Variants in NFKB1 observed in about 807,000 individuals in gnomAD.
NFKB1 encodes nuclear factor kappa B subunit 1.
In NFKB1, 9 loss-of-function variants were observed where a neutral mutation model predicts 105.1. That is an observed-to-expected ratio of 0.09 (90% confidence interval 0.05 to 0.15). NFKB1 has a LOEUF of 0.15. Among genes scored for constraint, NFKB1 ranks in the 10% least tolerant of loss-of-function variants. The pLI is 1.00. For synonymous variants in NFKB1, 440 were observed against 442.2 expected (o/e 1.00, Z 0.06); for missense variants, 830 against 1,203.7 (o/e 0.69, Z 4.59).
intron 5 of NFKB1, among the ~76,000 whole-genome samples, chr4:102,549,334 G>A (rs1360613313): frequency 2.0e-5 from 3 of 149,252 alleles, no homozygotes; most frequent in African/African-American, 7.4e-5. Context: ...TCATGGTGTT[G>A]TTTTATATAC....
intron 5 of NFKB1, among the ~76,000 whole-genome samples, chr4:102,555,188 A>T (rs1287749865): frequency 6.6e-6 from 1 of 152,164 alleles, no homozygotes; most frequent in African/African-American, 2.4e-5. Context: ...CTGCCAAAGG[A>T]CAGTAACCAT....
At chr4:102,583,091 T>A (rs1725442020) in intron 10 of NFKB1, 134 bp downstream of exon 10, 2 of 528,268 alleles carry the variant, frequency 3.8e-6, no homozygotes, top group African/African-American at 3.8e-5. Flanking sequence ...GGGATCCTCC[T>A]GTCTCAACCT....
At chr4:102,602,494 G>A (rs1174140621) in intron 16 of NFKB1, among the ~76,000 whole-genome samples, 7 of 151,362 alleles carry the variant, frequency 4.6e-5, no homozygotes, top group South Asian at 2.1e-4. Context: ...AGGCGAGATC[G>A]CGCCACTGCA....
chr4:102,605,745 T>G (rs1727661856), intron 16 of NFKB1, among the ~76,000 whole-genome samples: 1 of 152,214 alleles, frequency 6.6e-6, no homozygotes, highest in East Asian at 1.9e-4. Flanking sequence ...GTGAGATACT[T>G]GTATTATCCT....
chr4:102,534,230 G>C (rs541609489), intron 4 of NFKB1, among the ~76,000 whole-genome samples: 1 of 152,126 alleles, frequency 6.6e-6, no homozygotes, highest in South Asian at 2.1e-4. Flanking sequence ...AAGGAAATAC[G>C]TATGCATACA....
At chr4:102,561,281 T>G (rs201680496) in intron 5 of NFKB1, among the ~76,000 whole-genome samples, 76,912 of 123,072 alleles carry the variant, frequency 0.62, 23,415 homozygotes, top group African/African-American at 0.7. Flanking sequence ...TTTTTTTTTT[T>G]TGTGTGTGTG....
At chr4:102,518,853 G>A (rs997258296) in intron 1 of NFKB1, among the ~76,000 whole-genome samples, 2 of 152,148 alleles carry the variant, frequency 1.3e-5, no homozygotes, top group Non-Finnish European at 2.9e-5. Flanking sequence ...TCCAGTGGCT[G>A]GTGCAGGCTT....
rs769329062 is a variant in NFKB1, at chr4:102,580,687, C to T, written c.835+48C>T. ...GATCTCAAGAGGTGTGATCTTGACA[C>T]ACTACAGTTCTGAGTGTGTCTGTGA... On this transcript the variant is annotated intron_variant, in intron 9 of 23. Transcript: ENST00000226574. 6 of 1,430,712 alleles carry T rather than the reference C, an allele frequency of 4.2e-6. No individual in the cohort carries two copies. In the African/African-American group the frequency reaches 5.6e-5, roughly 13 times the overall value. The allele number at this position is 1,430,712 out of a possible 1,614,324, so 88.6% of individuals were successfully genotyped here. A position where few individuals can be genotyped will look rare whatever the true frequency, so the allele number is the denominator to read the frequency against.
At chr4:102,612,388 T>A (rs779571547) in intron 21 of NFKB1, 46 bp from the exon 22 acceptor site, 1 of 1,587,392 alleles carries the variant, frequency 6.3e-7, no homozygotes, top group African/African-American at 1.3e-5. Context: ...CTCCAGAGTG[T>A]CTATGGCATG....
intron 14 of NFKB1, 138 bp from the exon 15 acceptor site, chr4:102,597,381 GC>G (rs1726709898): frequency 1.2e-6 from 1 of 856,698 alleles, no homozygotes. Context: ...CAATCCAAAA[GC>G]ATTGAAAGAA....
At chr4:102,511,083 T>G in intron 1 of NFKB1, 1 of 481,644 alleles carries the variant, frequency 2.1e-6, no homozygotes, top group Non-Finnish European at 3.1e-6. Flanking sequence ...GATTTTTATT[T>G]TTTTATTATT....
chr4:102,506,834 A>G (rs1265445589), intron 1 of NFKB1, among the ~76,000 whole-genome samples: 2 of 151,864 alleles, frequency 1.3e-5, no homozygotes, highest in Non-Finnish European at 1.5e-5. Context: ...ATCACTCACA[A>G]CAAACATTCA....
chr4:102,524,418 A>G (rs1740766968), intron 1 of NFKB1, among the ~76,000 whole-genome samples: 1 of 152,136 alleles, frequency 6.6e-6, no homozygotes, highest in Non-Finnish European at 1.5e-5. Flanking sequence ...TACCAGCTTG[A>G]CAACAGCAGA....
intron 6 of NFKB1, among the ~76,000 whole-genome samples, chr4:102,569,152 T>G (rs1200277103): frequency 6.6e-6 from 1 of 152,142 alleles, no homozygotes; most frequent in Non-Finnish European, 1.5e-5. Flanking sequence ...TCTCTCTATA[T>G]ATACATTTTT....
chr4:102,597,694 T>G, intron 15 of NFKB1, 33 bp downstream of exon 15: 1 of 1,594,312 alleles, frequency 6.3e-7, no homozygotes, highest in Non-Finnish European at 8.6e-7. Flanking sequence ...TAGGTTGTCC[T>G]GGGTGGGGAA....
At chr4:102,507,220 T>C (rs1369248045) in intron 1 of NFKB1, among the ~76,000 whole-genome samples, 1 of 151,988 alleles carries the variant, frequency 6.6e-6, no homozygotes, top group African/African-American at 2.4e-5. Context: ...ATCCAGGCAC[T>C]CTGCCTGTGA....
chr4:102,578,231 C>T (rs1725026246), intron 7 of NFKB1: 1 of 152,620 alleles, frequency 6.6e-6, no homozygotes, highest in Admixed American at 6.5e-5. Flanking sequence ...GCTCCAAAGC[C>T]CTCTGAACTC....
intron 3 of NFKB1, among the ~76,000 whole-genome samples, chr4:102,531,456 G>T (rs1229376174): frequency 1.3e-5 from 2 of 152,118 alleles, no homozygotes; most frequent in Non-Finnish European, 2.9e-5. Context: ...AGGTAGAGAG[G>T]TTGATTATCT....
chr4:102,605,876 A>G (rs1307521636), intron 16 of NFKB1, among the ~76,000 whole-genome samples: 1 of 152,212 alleles, frequency 6.6e-6, no homozygotes, highest in African/African-American at 2.4e-5. Flanking sequence ...TTTAGTTTCC[A>G]TGTCAGCATA....
Sources: allele counts gnomAD v4.1 joint callset (sites outside exome capture counted in the v4.1 genomes callset), GRCh38; gene constraint gnomAD v4.1.1; transcripts MANE v1.5; gene names NCBI Gene and HGNC (gene_info 2026-07-23, HGNC 2026-07-21).